Variants in DNAH14 observed in about 807,000 individuals in gnomAD.
DNAH14 encodes axonemal beta dynein heavy chain 14.
A neutral mutation model predicts 520.9 loss-of-function variants in DNAH14; 478 were observed. The observed-to-expected ratio is 0.92, with a 90% confidence interval of 0.85 to 0.99. DNAH14 has a LOEUF of 0.99. DNAH14 is among the 50% of genes least tolerant of loss of function. DNAH14 has a pLI of 0.00. For missense variants in DNAH14, 4,831 were observed against 5,234.5 expected (o/e 0.92, Z 2.38); for synonymous variants, 1,581 against 1,757.2 (o/e 0.90, Z 2.51).
rs1349023494 is a variant in DNAH14, at chr1:225,152,715, G to A, written c.5028G>A (p.Glu1676=). ...TCTTCAGATACGGAGGTGGAGTAGA[G>A]CTCCCAGATAACTTAAAATCTCTGT... ...TMNPRYGGGV[E]LPDNLKSLFR... Residue 1676 remains glutamate (E), a synonymous_variant, in exon 33 of 86, where the codon GAG becomes GAA. Coordinates refer to ENST00000682510, the MANE Select transcript of DNAH14 (RefSeq NM_001367479.1). The A allele has an allele frequency of 6.5e-6, 10 of 1,549,402 alleles. No individual in the cohort carries two copies. The East Asian group carries it at 2.4e-4, about 38-fold the overall frequency.
intron 71 of DNAH14, 35 bp from the exon 72 acceptor site, chr1:225,351,612 C>G: frequency 6.9e-7 from 1 of 1,441,352 alleles, no homozygotes; most frequent in Non-Finnish European, 9.3e-7. Context: ...AAAGGTTTAT[C>G]TCTTCTAATG....
At chr1:224,953,385 A>G (rs1374116448) in intron 2 of DNAH14, among the ~76,000 whole-genome samples, 1 of 152,102 alleles carries the variant, frequency 6.6e-6, no homozygotes, top group Non-Finnish European at 1.5e-5. Context: ...CGGCCTCCCA[A>G]ATAAATACGA....
intron 11 of DNAH14, among the ~76,000 whole-genome samples, chr1:225,034,086 T>G (rs948316660): frequency 2.0e-5 from 3 of 152,220 alleles, no homozygotes; most frequent in African/African-American, 7.2e-5. Flanking sequence ...TGGCCAGAAC[T>G]TCCAGTACTA....
At position 225,085,572 on chromosome 1, in the gene DNAH14, A is replaced by G. The variant is rs1444704341; in HGVS notation, c.3356A>G (p.Asp1119Gly). The G allele has an allele frequency of 1.3e-6, 2 of 1,547,464 alleles. No homozygotes were observed. Among genetic ancestry groups the G allele is most frequent in the South Asian group, 1.2e-5 (1 of 83,876 alleles). The change falls in exon 21 of 86, where the codon GAT (aspartate) becomes GGT (glycine). Residue 1119 changes from aspartate (D) to glycine (G), a missense_variant. Asp to Gly is a moderately conservative substitution (Grantham distance 94). Transcript: ENST00000682510. ...KMFQYENEIN[D>G]MSTSATNEAA... is the part of the protein sequence containing the mutation. ...TTTCAGTATGAAAATGAAATAAATGATATGTCAACCTCAGCAACTAATGAA... is the reference window on the plus strand; with the variant it reads ...TTTCAGTATGAAAATGAAATAAATGGTATGTCAACCTCAGCAACTAATGAA...
At position 225,324,296 on chromosome 1, in the gene DNAH14, T is replaced by A; in HGVS notation, c.9570T>A (p.Ala3190=). Reference sequence around the variant, plus strand: ...ACAAGATTTCGCTGGTTTCTGTTGCTTGTTGCTCCCTGTGCCAGTGGGTTA... The same window carrying A: ...ACAAGATTTCGCTGGTTTCTGTTGCATGTTGCTCCCTGTGCCAGTGGGTTA... The part of the protein sequence containing the change: ...NPHKISLVSV[A]CCSLCQWVIA... Residue 3190 remains alanine (A), a synonymous_variant, in exon 63 of 86, where the codon GCT becomes GCA. Transcript: ENST00000682510. 6.4e-7 allele frequency: 1 copy of A among 1,551,918 alleles called. No homozygotes were observed. The highest frequency in any genetic ancestry group is 1.7e-4 in the Middle Eastern group (1 of 5,996).
chr1:225,039,079 CT>C (rs1392750145), intron 12 of DNAH14, among the ~76,000 whole-genome samples: 1 of 152,012 alleles, frequency 6.6e-6, no homozygotes, highest in African/African-American at 2.4e-5. Flanking sequence ...TAGGTAGGCA[CT>C]GAAATAACAG....
At chr1:224,942,904 G>A (rs572094461) in intron 1 of DNAH14, among the ~76,000 whole-genome samples, 69 of 152,276 alleles carry the variant, frequency 4.5e-4, no homozygotes, top group South Asian at 1.0e-3. Flanking sequence ...GATTTGGTTT[G>A]CCAGTATTTT....
intron 46 of DNAH14, among the ~76,000 whole-genome samples, chr1:225,260,462 T>C (rs1316156372): frequency 6.6e-6 from 1 of 152,134 alleles, no homozygotes; most frequent in Non-Finnish European, 1.5e-5. Flanking sequence ...GCCAAAGCAA[T>C]TGATTGTAAA....
intron 41 of DNAH14, among the ~76,000 whole-genome samples, chr1:225,228,444 G>A (rs929674835): frequency 2.0e-5 from 3 of 151,704 alleles, no homozygotes; most frequent in East Asian, 2.0e-4. Context: ...TAGTTGGGAT[G>A]AGGTGAAACA....
chr1:225,080,425 CA>C lies in DNAH14; in HGVS notation c.2815del (p.Met939TrpfsTer3), dbSNP rs1558891222. On this transcript the variant is annotated frameshift_variant, in exon 19 of 86. Transcript: ENST00000682510. LOFTEE classifies it high-confidence loss of function. ...LLCAGTQVST[A>X]MEMIQTLSGE... is the part of the protein sequence containing the mutation. ...TGTGCTGGTACTCAAGTGTCAACAGCAATGGAAATGATCCAGACTCTCTCAG... is the reference window on the plus strand; with the variant it reads ...TGTGCTGGTACTCAAGTGTCAACAGCATGGAAATGATCCAGACTCTCTCAG... 2 of 1,550,290 alleles carry C rather than the reference CA, an allele frequency of 1.3e-6. No homozygotes were observed. Among genetic ancestry groups the C allele is most frequent in the Admixed American group, 3.9e-5 (2 of 50,868 alleles).
At chr1:225,294,727 G>A (rs2093968286) in intron 55 of DNAH14, among the ~76,000 whole-genome samples, 1 of 152,002 alleles carries the variant, frequency 6.6e-6, no homozygotes, top group East Asian at 1.9e-4. Flanking sequence ...AGGATACTGA[G>A]GCAGGAGAAT....
chr1:225,360,947 T>C (rs2095485790), intron 75 of DNAH14, 56 bp downstream of exon 75: 2 of 1,467,212 alleles, frequency 1.4e-6, no homozygotes, highest in Non-Finnish European at 1.9e-6. Flanking sequence ...AACTATAAAG[T>C]AAAACTGGAA....
intron 17 of DNAH14, among the ~76,000 whole-genome samples, chr1:225,078,869 T>TCC (rs1558884412): frequency 0.064 from 819 of 12,886 alleles, 106 homozygotes; most frequent in Non-Finnish European, 0.11. Flanking sequence ...CCTCTCTCTC[T>TCC]CTCTCTCTCT....
chr1:225,330,413 T>C (rs2094770413), intron 64 of DNAH14, among the ~76,000 whole-genome samples: 1 of 152,176 alleles, frequency 6.6e-6, no homozygotes, highest in African/African-American at 2.4e-5. Context: ...TAAGTGTCCA[T>C]CAACAGATGA....
intron 43 of DNAH14, among the ~76,000 whole-genome samples, chr1:225,245,031 A>G (rs1422811634): frequency 2.0e-5 from 3 of 152,164 alleles, no homozygotes; most frequent in East Asian, 3.9e-4. Flanking sequence ...TCTGTCCCAG[A>G]GATTCTGGTA....
intron 38 of DNAH14, among the ~76,000 whole-genome samples, chr1:225,197,541 T>C (rs957350843): frequency 6.6e-6 from 1 of 152,180 alleles, no homozygotes; most frequent in Non-Finnish European, 1.5e-5. Context: ...TTTGGTTCCA[T>C]ATAAATTTTA....
chr1:225,270,283 G>A (rs1025305321), intron 49 of DNAH14, among the ~76,000 whole-genome samples: 6 of 145,820 alleles, frequency 4.1e-5, no homozygotes, highest in African/African-American at 1.5e-4. Flanking sequence ...GAGAACACTT[G>A]GACACAGAAT....
At chr1:225,309,501 G>A (rs1281233530) in intron 60 of DNAH14, among the ~76,000 whole-genome samples, 1 of 152,184 alleles carries the variant, frequency 6.6e-6, no homozygotes, top group African/African-American at 2.4e-5. Flanking sequence ...CAGATGGGGA[G>A]CTTCCCCTCT....
At chr1:225,260,630 T>G (rs896398401) in intron 46 of DNAH14, among the ~76,000 whole-genome samples, 3 of 152,138 alleles carry the variant, frequency 2.0e-5, no homozygotes, top group African/African-American at 7.2e-5. Context: ...CCCTCAAGAT[T>G]GCTTTGGCTA....
Sources: gnomAD v4.1 joint callset for allele counts (sites outside exome capture counted in the v4.1 genomes callset) on GRCh38, gnomAD v4.1.1 for gene constraint, MANE v1.5 for transcripts, NCBI Gene and HGNC (gene_info 2026-07-23, HGNC 2026-07-21) for gene names.